Variants in AKAP19 observed in about 807,000 individuals in gnomAD.
The protein encoded by AKAP19 is small A-kinase anchoring protein.
chr2:189,969,657 A>G, the AKAP19 span, among the ~76,000 whole-genome samples: 1 of 144,590 alleles, frequency 6.9e-6, no homozygotes, highest in African/African-American at 2.6e-5. Flanking sequence ...TGAACCCAGG[A>G]GGCAGAGGTT....
At chr2:189,943,850 G>A in the AKAP19 span, among the ~76,000 whole-genome samples, 25 of 152,222 alleles carry the variant, frequency 1.6e-4, no homozygotes, top group African/African-American at 3.4e-4. Context: ...ATGAACTTCC[G>A]TGGAGCCTGT....
the AKAP19 span, among the ~76,000 whole-genome samples, chr2:189,960,747 G>A: frequency 3.3e-5 from 5 of 152,052 alleles, no homozygotes; most frequent in East Asian, 9.6e-4. Flanking sequence ...GATCTGCCAT[G>A]TGGCTAACCA....
At chr2:189,947,046 C>A in the AKAP19 span, among the ~76,000 whole-genome samples, 1 of 152,050 alleles carries the variant, frequency 6.6e-6, no homozygotes, top group African/African-American at 2.4e-5. Flanking sequence ...TTTCTTTTTT[C>A]AAAATGGAGT....
the AKAP19 span, among the ~76,000 whole-genome samples, chr2:190,160,387 C>A: frequency 0.48 from 72,564 of 151,896 alleles, 19,057 homozygotes; most frequent in East Asian, 0.83. Context: ...GTTTCTCTTT[C>A]GTGATCCCTA....
chr2:189,900,393 C>G, the AKAP19 span, among the ~76,000 whole-genome samples: 2 of 151,998 alleles, frequency 1.3e-5, no homozygotes, highest in Admixed American at 6.6e-5. Flanking sequence ...GTATTCCCCC[C>G]CAAAATGATA....
At chr2:190,176,716 A>AC in the AKAP19 span, among the ~76,000 whole-genome samples, 1 of 152,208 alleles carries the variant, frequency 6.6e-6, no homozygotes, top group Admixed American at 6.5e-5. This position sits in a 1 kb window ranked among gnomAD's most constrained non-coding sequence, Gnocchi z 4.7. Flanking sequence ...TGAGTTACAG[A>AC]AAGTGTTAAA....
At chr2:190,124,172 T>C in the AKAP19 span, among the ~76,000 whole-genome samples, 1 of 152,172 alleles carries the variant, frequency 6.6e-6, no homozygotes, top group Non-Finnish European at 1.5e-5. Flanking sequence ...TCAACCACCA[T>C]AATAGTGTGA....
chr2:190,000,339 T>A, the AKAP19 span, among the ~76,000 whole-genome samples: 1 of 152,236 alleles, frequency 6.6e-6, no homozygotes, highest in Non-Finnish European at 1.5e-5. Context: ...GAAAAGATGC[T>A]GGACAGACAA....
the AKAP19 span, among the ~76,000 whole-genome samples, chr2:190,033,292 T>A: frequency 1.3e-5 from 2 of 152,332 alleles, no homozygotes; most frequent in Non-Finnish European, 2.9e-5. Flanking sequence ...GAATGCTTTT[T>A]GTTTAGTCTT....
chr2:190,036,069 TA>T, the AKAP19 span, among the ~76,000 whole-genome samples: 6 of 152,226 alleles, frequency 3.9e-5, no homozygotes, highest in African/African-American at 1.4e-4. Flanking sequence ...CTGAGAAAAC[TA>T]TTCAAATTTT....
the AKAP19 span, among the ~76,000 whole-genome samples, chr2:189,985,520 GC>G: frequency 6.6e-6 from 1 of 152,172 alleles, no homozygotes; most frequent in East Asian, 1.9e-4. Flanking sequence ...GCCTGTGAAG[GC>G]CATGTGGAAA....
At chr2:190,117,172 G>T in the AKAP19 span, among the ~76,000 whole-genome samples, 2 of 152,204 alleles carry the variant, frequency 1.3e-5, no homozygotes, top group South Asian at 2.1e-4. Flanking sequence ...GCAGCAGTCA[G>T]GTGGCAAGGT....
At chr2:190,007,293 G>T in the AKAP19 span, among the ~76,000 whole-genome samples, 232 of 152,208 alleles carry the variant, frequency 1.5e-3, 3 homozygotes, top group East Asian at 0.042. Flanking sequence ...CAAAAATTGA[G>T]TGGGAACTCA....
the AKAP19 span, chr2:189,930,261 C>T: frequency 5.6e-6 from 2 of 356,930 alleles, no homozygotes; most frequent in Admixed American, 3.8e-5. Flanking sequence ...ATGAGACACC[C>T]TGGCTCAATA....
chr2:190,119,075 C>T, the AKAP19 span, among the ~76,000 whole-genome samples: 1 of 152,178 alleles, frequency 6.6e-6, no homozygotes, highest in Non-Finnish European at 1.5e-5. Context: ...ACAGCAATAA[C>T]AGACAAACAG....
At chr2:189,969,996 C>T in the AKAP19 span, among the ~76,000 whole-genome samples, 1 of 151,266 alleles carries the variant, frequency 6.6e-6, no homozygotes, top group Non-Finnish European at 1.5e-5. Flanking sequence ...CTTCAGCCTC[C>T]CAAGTAGCTA....
At chr2:190,127,791 T>TC in the AKAP19 span, among the ~76,000 whole-genome samples, 1 of 152,164 alleles carries the variant, frequency 6.6e-6, no homozygotes, top group Non-Finnish European at 1.5e-5. Context: ...CCACCAACAG[T>TC]CCCAGATGGC....
the AKAP19 span, among the ~76,000 whole-genome samples, chr2:189,993,166 C>G: frequency 6.6e-6 from 1 of 152,116 alleles, no homozygotes; most frequent in Non-Finnish European, 1.5e-5. Flanking sequence ...TCATAGATAG[C>G]TTTTATTACT....
chr2:190,139,582 A>G, the AKAP19 span, among the ~76,000 whole-genome samples: 1 of 152,300 alleles, frequency 6.6e-6, no homozygotes, highest in South Asian at 2.1e-4. Flanking sequence ...TGTTCTTTGC[A>G]TGGTGGCGGC....
Sources: allele counts gnomAD v4.1 joint callset (sites outside exome capture counted in the v4.1 genomes callset), GRCh38; gene constraint gnomAD v4.1.1; non-coding constraint Gnocchi (gnomAD v3.1); transcripts MANE v1.5; gene names NCBI Gene and HGNC (gene_info 2026-07-23, HGNC 2026-07-21).